Variants in SYNE1 observed in about 807,000 individuals in gnomAD.
The protein encoded by SYNE1 is spectrin repeat containing nuclear envelope protein 1, also known as nesprin-1.
Under a neutral mutation model 1,111.0 loss-of-function variants are expected in SYNE1, and 616 were observed. That is an observed-to-expected ratio of 0.55 (90% CI 0.52 to 0.59). The LOEUF (loss-of-function observed/expected upper bound fraction) is 0.59. Among genes scored for constraint, SYNE1 ranks in the 20% least tolerant of loss-of-function variants. SYNE1 has a pLI of 0.00. For synonymous variants in SYNE1, 3,855 were observed against 3,825.8 expected (o/e 1.01, Z -0.28); for missense variants, 10,006 against 10,417.0 (o/e 0.96, Z 1.72).
chr6:152,571,991 T>G (rs1352636435), intron 3 of SYNE1, among the ~76,000 whole-genome samples: 1 of 152,158 alleles, frequency 6.6e-6, no homozygotes, highest in Non-Finnish European at 1.5e-5. Context: ...ATAACAAAAC[T>G]CTAGTCACTT....
At position 152,339,598 on chromosome 6, in the gene SYNE1, T is replaced by C. The variant is rs116041366; in HGVS notation, c.12226-232A>G. On this transcript the variant is annotated intron_variant, in intron 74 of 145. Coordinates refer to ENST00000367255, the MANE Select transcript of SYNE1 (RefSeq NM_182961.4). ...CTCCTTGTAAGTAAAGTATTCTGTATGGTCTGGGAAAGGGGAAAACGCAAG... is the reference window on the plus strand; with the variant it reads ...CTCCTTGTAAGTAAAGTATTCTGTACGGTCTGGGAAAGGGGAAAACGCAAG... Among the ~76,000 whole-genome samples, 969 of 152,354 alleles carry C rather than the reference T, an allele frequency of 6.4e-3. 12 individuals are homozygous for C. The highest frequency in any genetic ancestry group is 0.022 in the African/African-American group (919 of 41,578).
At chr6:152,386,648 G>A (rs953791293) in intron 54 of SYNE1, among the ~76,000 whole-genome samples, 12 of 151,936 alleles carry the variant, frequency 7.9e-5, no homozygotes, top group South Asian at 2.1e-4. Context: ...AATAGAAACC[G>A]TTTTTACTAA....
chr6:152,584,911 A>G (rs1394151728), intron 3 of SYNE1, among the ~76,000 whole-genome samples: 2 of 152,210 alleles, frequency 1.3e-5, no homozygotes, highest in Non-Finnish European at 2.9e-5. Flanking sequence ...TTCTATTCAT[A>G]AAGAGTTCCT....
chr6:152,365,327 G>T (rs1047716800), intron 62 of SYNE1, among the ~76,000 whole-genome samples: 2 of 152,132 alleles, frequency 1.3e-5, no homozygotes, highest in African/African-American at 4.8e-5. Flanking sequence ...TAGAATTCAT[G>T]ATTTCTCAAA....
intron 137 of SYNE1, chr6:152,144,163 A>G (rs774869184): frequency 7.0e-4 from 216 of 309,052 alleles, no homozygotes; most frequent in Middle Eastern, 2.3e-3. Flanking sequence ...TCTTTCTGCT[A>G]TCGCTTAGTG....
intron 56 of SYNE1, among the ~76,000 whole-genome samples, chr6:152,377,491 C>A (rs1487006605): frequency 6.7e-6 from 1 of 150,094 alleles, no homozygotes; most frequent in Admixed American, 6.7e-5. Flanking sequence ...CGCCTGTAAT[C>A]CCAGCTACTT....
chr6:152,438,265 C>T (rs1469245434), intron 32 of SYNE1, among the ~76,000 whole-genome samples: 1 of 152,034 alleles, frequency 6.6e-6, no homozygotes, highest in African/African-American at 2.4e-5. Context: ...TGAATATAAT[C>T]AGAAGTGAAA....
At chr6:152,339,212 A>T (rs1177133185) in intron 75 of SYNE1, 29 bp downstream of exon 75, 1 of 1,611,554 alleles carries the variant, frequency 6.2e-7, no homozygotes, top group Admixed American at 1.7e-5. Context: ...TAAAACAAAC[A>T]AATTCAATGT....
intron 4 of SYNE1, among the ~76,000 whole-genome samples, chr6:152,534,047 T>C (rs554478278): frequency 6.6e-6 from 1 of 151,954 alleles, no homozygotes; most frequent in African/African-American, 2.4e-5. Context: ...TAATCCCAGC[T>C]ACTCAGGAGG....
At chr6:152,500,950 CA>C (rs57436246) in intron 10 of SYNE1, among the ~76,000 whole-genome samples, 10,505 of 79,884 alleles carry the variant, frequency 0.13, 410 homozygotes, top group African/African-American at 0.19. Flanking sequence ...GACTCCATCT[CA>C]AAAAAAAAAA....
At chr6:152,564,156 T>C (rs886436101) in intron 3 of SYNE1, among the ~76,000 whole-genome samples, 33 of 152,216 alleles carry the variant, frequency 2.2e-4, no homozygotes, top group African/African-American at 8.0e-4. Context: ...TCTCCAGGTC[T>C]AGAATCAAAT....
At chr6:152,170,252 A>G (rs566426465) in intron 130 of SYNE1, among the ~76,000 whole-genome samples, 3 of 152,352 alleles carry the variant, frequency 2.0e-5, no homozygotes, top group East Asian at 1.9e-4. Flanking sequence ...GGCAATGTTC[A>G]TTGATACAGA....
rs773315965 is a variant in SYNE1 at position 152,511,029 on chromosome 6, G to C, written c.384C>G (p.Thr128=). ...RPSIVLGLMW[T]IILYFQIEEL... ...ACAATACCTGGAAATATAGAATAAT[G>C]GTCCACATCAATCCAAGAACTATTG... The change falls in exon 7 of 146, where the codon ACC becomes ACG. Residue 128 remains threonine, a synonymous_variant. Coordinates refer to ENST00000367255, the MANE Select transcript of SYNE1 (RefSeq NM_182961.4). 3.7e-6 allele frequency: 6 copies of C among 1,613,814 alleles called. No homozygotes were observed. Among genetic ancestry groups the C allele is most frequent in the Non-Finnish European group, 5.1e-6 (6 of 1,179,810 alleles).
At chr6:152,240,799 G>A (rs2085456704) in intron 107 of SYNE1, among the ~76,000 whole-genome samples, 1 of 152,208 alleles carries the variant, frequency 6.6e-6, no homozygotes, top group Admixed American at 6.5e-5. Flanking sequence ...CACATAGCTA[G>A]TCACGGCAGA....
In SYNE1 at chr6:152,330,640, A is replaced by C; in HGVS notation, c.14045T>G (p.Leu4682Trp). 6.2e-7 allele frequency: 1 copy of C among 1,613,688 alleles called. No individual in the cohort carries two copies. Among genetic ancestry groups the C allele is most frequent in the South Asian group, 1.1e-5 (1 of 91,074 alleles). The part of the protein sequence containing the change: ...ARKEYASLIE[L>W]TTQSLSELEA... ...AAGTTCACTCAGAGACTGGGTTGTC[A>C]ACTCAATCAAGGAAGCATATTCCTT... The change falls in exon 78 of 146, where the codon TTG (leucine) becomes TGG (tryptophan). Residue 4682 changes from leucine to tryptophan, a missense_variant. Leu to Trp is a moderately conservative substitution (Grantham distance 61). Coordinates refer to ENST00000367255, the MANE Select transcript of SYNE1 (RefSeq NM_182961.4).
chr6:152,404,337 A>T (rs80273655), intron 45 of SYNE1, 23 bp from the exon 46 acceptor site: 2 of 1,500,858 alleles, frequency 1.3e-6, no homozygotes, highest in Non-Finnish European at 1.8e-6. Context: ...AAGAAACATA[A>T]CTAATCAAAA....
chr6:152,367,925 G>T, intron 61 of SYNE1: 1 of 156,826 alleles, frequency 6.4e-6, no homozygotes, highest in Non-Finnish European at 1.4e-5. Flanking sequence ...GATTACTTTT[G>T]GTATCTAAGT....
chr6:152,484,243 T>C lies in SYNE1; in HGVS notation c.1185+592A>G, dbSNP rs116461251. On this transcript the variant is annotated intron_variant, in intron 13 of 145. Coordinates refer to ENST00000367255, the MANE Select transcript of SYNE1 (RefSeq NM_182961.4). Reference sequence around the variant, plus strand: ...AAAATAAAATAAAGTAAAGAATATATGGTAAGTTCAAGACAAATATTCTTA... The same window carrying C: ...AAAATAAAATAAAGTAAAGAATATACGGTAAGTTCAAGACAAATATTCTTA... Among the ~76,000 whole-genome samples, 468 of 151,544 alleles carry C rather than the reference T, an allele frequency of 3.1e-3. 5 individuals carry two copies. The highest frequency in any genetic ancestry group is 9.9e-3 in the African/African-American group (408 of 41,160).
intron 24 of SYNE1, among the ~76,000 whole-genome samples, chr6:152,454,684 T>C (rs2098681949): frequency 6.6e-6 from 1 of 152,186 alleles, no homozygotes. Flanking sequence ...AAACGGTGAT[T>C]CAAAACAAGA....
Sources: gnomAD v4.1 joint callset for allele counts (sites outside exome capture counted in the v4.1 genomes callset) on GRCh38, gnomAD v4.1.1 for gene constraint, MANE v1.5 for transcripts, NCBI Gene and HGNC (gene_info 2026-07-23, HGNC 2026-07-21) for gene names.